Variants in KHDRBS2 observed in about 807,000 individuals in gnomAD.
The protein encoded by KHDRBS2 is KH RNA binding domain containing, signal transduction associated 2.
Under a neutral mutation model 44.3 loss-of-function variants are expected in KHDRBS2, and 26 were observed. The ratio of observed to expected loss-of-function variants is 0.59; its 90% confidence interval spans 0.43 to 0.81. KHDRBS2 has a LOEUF of 0.81. Among genes scored for constraint, KHDRBS2 ranks in the 40% least tolerant of loss-of-function variants. KHDRBS2 has a pLI of 0.00. For missense variants in KHDRBS2, 476 were observed against 433.1 expected (o/e 1.10, Z -0.88); for synonymous variants, 194 against 151.1 (o/e 1.28, Z -2.08).
At chr6:61,564,861 A>G in the KHDRBS2 span, among the ~76,000 whole-genome samples, 1 of 152,122 alleles carries the variant, frequency 6.6e-6, no homozygotes, top group Non-Finnish European at 1.5e-5. Context: ...AAGAACAAAG[A>G]TGGAAATATC....
chr6:61,770,755 C>A (rs1354967030), intron 6 of KHDRBS2, among the ~76,000 whole-genome samples: 7 of 152,104 alleles, frequency 4.6e-5, no homozygotes, highest in South Asian at 2.1e-4. Flanking sequence ...AAGTTGGAAA[C>A]CACTCTGCAG....
chr6:61,952,199 T>C (rs1474900316), intron 4 of KHDRBS2, among the ~76,000 whole-genome samples: 1 of 152,076 alleles, frequency 6.6e-6, no homozygotes, highest in Non-Finnish European at 1.5e-5. Flanking sequence ...ATAAAACTAA[T>C]TGTTTTTAAA....
At chr6:61,986,889 A>G (rs1775149612) in intron 3 of KHDRBS2, among the ~76,000 whole-genome samples, 1 of 152,166 alleles carries the variant, frequency 6.6e-6, no homozygotes, top group African/African-American at 2.4e-5. Flanking sequence ...CCACTTCCAA[A>G]TACCATCATA....
At chr6:62,189,380 A>G (rs1253647971) in intron 1 of KHDRBS2, among the ~76,000 whole-genome samples, 1 of 151,808 alleles carries the variant, frequency 6.6e-6, no homozygotes, top group Non-Finnish European at 1.5e-5. Flanking sequence ...TCACTTCTTA[A>G]GAGACTCTGG....
chr6:61,543,591 C>T, the KHDRBS2 span, among the ~76,000 whole-genome samples: 4 of 151,824 alleles, frequency 2.6e-5, no homozygotes, highest in African/African-American at 9.7e-5. Flanking sequence ...TCCACCAATC[C>T]CACTGCTAGA....
the KHDRBS2 span, among the ~76,000 whole-genome samples, chr6:61,659,312 T>C: frequency 8.6e-5 from 13 of 151,944 alleles, no homozygotes; most frequent in East Asian, 2.5e-3. Context: ...CCATGTCTTA[T>C]ATCCTGATAA....
chr6:61,900,217 G>A (rs558161108), intron 5 of KHDRBS2, among the ~76,000 whole-genome samples: 2 of 151,598 alleles, frequency 1.3e-5, no homozygotes, highest in African/African-American at 2.4e-5. Flanking sequence ...TTTTCTGACC[G>A]GTGAGAAACA....
At chr6:61,589,987 T>G in the KHDRBS2 span, among the ~76,000 whole-genome samples, 1 of 152,102 alleles carries the variant, frequency 6.6e-6, no homozygotes. Flanking sequence ...AACCTAGCAC[T>G]GAATGGGACT....
intron 1 of KHDRBS2, among the ~76,000 whole-genome samples, chr6:62,255,122 A>G (rs1309639884): frequency 6.6e-6 from 1 of 152,068 alleles, no homozygotes; most frequent in Non-Finnish European, 1.5e-5. Flanking sequence ...AGAAAAATAA[A>G]CAGGCAGCTT....
At chr6:62,105,521 G>A (rs983463746) in intron 2 of KHDRBS2, among the ~76,000 whole-genome samples, 3 of 151,948 alleles carry the variant, frequency 2.0e-5, no homozygotes, top group South Asian at 2.1e-4. Context: ...TGTATGTGTC[G>A]AGGAATTTAT....
chr6:61,827,596 G>A (rs1791104497), intron 6 of KHDRBS2, among the ~76,000 whole-genome samples: 1 of 152,046 alleles, frequency 6.6e-6, no homozygotes, highest in Non-Finnish European at 1.5e-5. Flanking sequence ...GTCCACTCGG[G>A]TTGCCTTAAC....
the KHDRBS2 span, among the ~76,000 whole-genome samples, chr6:61,642,430 C>T: frequency 4.0e-5 from 6 of 149,754 alleles, no homozygotes; most frequent in African/African-American, 7.4e-5. Context: ...CCAAGGCAGG[C>T]GGATTGCTTG....
At chr6:61,624,377 C>T in the KHDRBS2 span, among the ~76,000 whole-genome samples, 1 of 152,310 alleles carries the variant, frequency 6.6e-6, no homozygotes, top group Non-Finnish European at 1.5e-5. Context: ...ACCAAGTGGA[C>T]ACTTGTTGAC....
At chr6:61,753,586 C>T (rs115242821) in intron 6 of KHDRBS2, among the ~76,000 whole-genome samples, 3,782 of 151,986 alleles carry the variant, frequency 0.025, 86 homozygotes, top group Middle Eastern at 0.082. Flanking sequence ...GTGTAGTGTT[C>T]GAATTTTTAT....
chr6:61,794,633 G>T (rs1257262801), intron 6 of KHDRBS2, among the ~76,000 whole-genome samples: 2 of 152,106 alleles, frequency 1.3e-5, no homozygotes, highest in African/African-American at 4.8e-5. Flanking sequence ...TGGAATCAGA[G>T]TAGTGGAAGC....
intron 1 of KHDRBS2, among the ~76,000 whole-genome samples, chr6:62,185,227 T>C (rs769020784): frequency 2.0e-5 from 3 of 151,978 alleles, no homozygotes; most frequent in Non-Finnish European, 4.4e-5. Context: ...CCCATCGTTA[T>C]AGCCTCGGTT....
At chr6:61,597,730 T>TATATATATATATATATATATATATA in the KHDRBS2 span, among the ~76,000 whole-genome samples, 10 of 31,396 alleles carry the variant, frequency 3.2e-4, no homozygotes, top group Admixed American at 1.4e-3. Flanking sequence ...ATTTTGCACC[T>TATATATATATATATATATATATATA]TTTATATATA....
intron 3 of KHDRBS2, among the ~76,000 whole-genome samples, chr6:61,991,757 G>A (rs1584012770): frequency 1.3e-5 from 2 of 152,150 alleles, no homozygotes; most frequent in Non-Finnish European, 2.9e-5. Context: ...CCAGCAGCAG[G>A]ATGCCAAGAC....
Position 61,945,150 on chromosome 6 carries a change from T to TATACAC in KHDRBS2, c.483+32915_483+32916insGTGTAT, listed in dbSNP as rs371595813. ...ATATATATATATATATATATATATATACACACAGACTTGTCTTGATAAAGT... is the reference window on the plus strand; with the variant it reads ...ATATATATATATATATATATATATATATACACACACACAGACTTGTCTTGATAAAGT... On this transcript the variant is annotated intron_variant, in intron 4 of 8. Coordinates refer to ENST00000281156, the MANE Select transcript of KHDRBS2 (RefSeq NM_152688.4). 8.3e-3 allele frequency among the ~76,000 whole-genome samples: 720 copies of TATACAC among 86,980 alleles called. 32 individuals are homozygous for TATACAC. Among genetic ancestry groups the TATACAC allele is most frequent in the Middle Eastern group, 0.03 (4 of 134 alleles). The allele number at this position is 86,980 out of a possible 152,430, so 57.1% of individuals were successfully genotyped here.
Sources: allele counts gnomAD v4.1 joint callset (sites outside exome capture counted in the v4.1 genomes callset), GRCh38; gene constraint gnomAD v4.1.1; transcripts MANE v1.5; gene names NCBI Gene and HGNC (gene_info 2026-07-23, HGNC 2026-07-21).